Variants in SUPT6H observed in about 807,000 individuals in gnomAD.
SUPT6H encodes the protein SPT6 homolog, histone chaperone and transcription elongation factor, also known as transcription elongation factor SPT6.
Under a neutral mutation model 222.3 loss-of-function variants are expected in SUPT6H, and 11 were observed. That is an observed-to-expected ratio of 0.05 (90% confidence interval 0.03 to 0.08). The LOEUF is 0.08. Among genes scored for constraint, SUPT6H ranks in the 10% least tolerant of loss-of-function variants. The pLI, the probability that SUPT6H is intolerant of heterozygous loss-of-function variation, is 1.00. For missense variants in SUPT6H, 1,422 were observed against 2,216.0 expected (o/e 0.64, Z 7.19); for synonymous variants, 762 against 801.2 (o/e 0.95, Z 0.83).
chr17:28,663,827 C>CTTTTTTTTTTTTTTTT (rs1567681347), intron 1 of SUPT6H, among the ~76,000 whole-genome samples: 20 of 8,410 alleles, frequency 2.4e-3, no homozygotes, highest in African/African-American at 4.0e-3. Context: ...CTGCCCACTC[C>CTTTTTTTTTTTTTTTT]ATTTTTTTTT....
rs751262934 is a variant in SUPT6H, at chr17:28,678,062, T to C, written c.1000-14T>C. Reference sequence around the variant, plus strand: ...TAAACATTGTCTTGCTATTTCTTTATTTTCCTACTGTAGGAAAGCTGTGAT... The same window carrying C: ...TAAACATTGTCTTGCTATTTCTTTACTTTCCTACTGTAGGAAAGCTGTGAT... On this transcript the variant is annotated splice_polypyrimidine_tract_variant and intron_variant, in intron 8 of 36. Coordinates refer to ENST00000314616, the MANE Select transcript of SUPT6H (RefSeq NM_003170.5). The C allele has an allele frequency of 1.9e-6, 3 of 1,608,344 alleles. No homozygotes were observed. Among genetic ancestry groups the C allele is most frequent in the Non-Finnish European group, 2.6e-6 (3 of 1,175,596 alleles).
intron 35 of SUPT6H, 98 bp from the exon 36 acceptor site, chr17:28,700,843 A>T: frequency 7.1e-7 from 1 of 1,404,438 alleles, no homozygotes; most frequent in Non-Finnish European, 9.8e-7. Flanking sequence ...GATCATCTGG[A>T]AAGCTTTGCT....
At position 28,696,749 on chromosome 17, in the gene SUPT6H, CAATAAAT is replaced by C; in HGVS notation, c.3971-92_3971-86del. The C allele has an allele frequency of 2.5e-6, 3 of 1,178,622 alleles. No homozygotes were observed. The Admixed American group carries it at 5.3e-5, about 21-fold the overall frequency. 73.0% of individuals were successfully genotyped at this position (1,178,622 alleles called of 1,614,324 possible). A position where few individuals can be genotyped will look rare whatever the true frequency, so the allele number is the denominator to read the frequency against. ...GCCCAGATGACAGAGCACCCCAACT[CAATAAAT>C]AAATAAGAAATGAAGGCCTGGTTTG... On this transcript the variant is annotated intron_variant, in intron 29 of 36. Coordinates refer to ENST00000314616, the MANE Select transcript of SUPT6H (RefSeq NM_003170.5).
intron 14 of SUPT6H, 22 bp downstream of exon 14, chr17:28,682,878 G>A (rs201870351): frequency 7.4e-6 from 12 of 1,613,962 alleles, no homozygotes; most frequent in African/African-American, 1.3e-5. Flanking sequence ...GCAGGTGGCT[G>A]ACAGGAGGAG....
intron 9 of SUPT6H, 146 bp downstream of exon 9, chr17:28,678,338 T>G: frequency 1.2e-6 from 1 of 864,494 alleles, no homozygotes; most frequent in East Asian, 2.5e-5. Context: ...GAGACCCTAG[T>G]GATCGTAAGA....
chr17:28,678,295 C>T (rs2030880427), intron 9 of SUPT6H, 103 bp downstream of exon 9: 3 of 1,036,068 alleles, frequency 2.9e-6, no homozygotes, highest in Non-Finnish European at 4.4e-6. Flanking sequence ...CCCGTATCCC[C>T]TATCCATGAC....
rs1333179748 is a variant in SUPT6H, at chr17:28,681,504, C to T, written c.1498+100C>T. 7 of 1,426,720 alleles carry T rather than the reference C, an allele frequency of 4.9e-6. No individual in the cohort carries two copies. In the East Asian group the frequency reaches 1.5e-4, roughly 30 times the overall value. 88.4% of individuals were successfully genotyped at this position (1,426,720 alleles called of 1,614,324 possible). On this transcript the variant is annotated intron_variant, in intron 12 of 36. Coordinates refer to ENST00000314616, the MANE Select transcript of SUPT6H (RefSeq NM_003170.5). The stretch of plus-strand genomic sequence containing the variant: ...TCAGATGCTAAGGTGGGTGGATCAC[C>T]TGAGGTCAGGAGTTCGAGACCAGCC...
Position 28,673,426 on chromosome 17 carries a change from G to T in SUPT6H, c.25G>T (p.Ala9Ser). The T allele has an allele frequency of 6.2e-7, 1 of 1,614,134 alleles. No individual in the cohort carries two copies. The highest frequency in any genetic ancestry group is 8.5e-7 in the Non-Finnish European group (1 of 1,179,988). Residue 9 changes from alanine (A) to serine (S), a missense_variant, in exon 2 of 37, where the codon GCT becomes TCT. Ala to Ser is a moderately conservative substitution (Grantham distance 99). Coordinates refer to ENST00000314616, the MANE Select transcript of SUPT6H (RefSeq NM_003170.5). ...AATGTCTGATTTTGTGGAAAGCGAGGCTGAGGAGTCAGAGGAAGAATACAA... is the reference window on the plus strand; with the variant it reads ...AATGTCTGATTTTGTGGAAAGCGAGTCTGAGGAGTCAGAGGAAGAATACAA... MSDFVESE[A>S]EESEEEYNDE...
chr17:28,693,603 T>C, intron 27 of SUPT6H, 93 bp from the exon 28 acceptor site: 1 of 1,477,070 alleles, frequency 6.8e-7, no homozygotes, highest in South Asian at 1.2e-5. Context: ...GTGTCAATGG[T>C]AAAAGAAATT....
Position 28,696,561 on chromosome 17 carries a change from G to A in SUPT6H, c.3971-283G>A, listed in dbSNP as rs372103341. Among the ~76,000 whole-genome samples the A allele has an allele frequency of 2.3e-4, 35 of 149,360 alleles. 1 individual carries two copies. The highest frequency in any genetic ancestry group is 6.9e-4 in the African/African-American group (28 of 40,438). Reference sequence around the variant, plus strand: ...CAGAATTGCGCCACTGCACTACAACGTGGGTGACAAAATGAGACTGTCTCA... The same window carrying A: ...CAGAATTGCGCCACTGCACTACAACATGGGTGACAAAATGAGACTGTCTCA... On this transcript the variant is annotated intron_variant, in intron 29 of 36. Transcript: ENST00000314616.
intron 11 of SUPT6H, among the ~76,000 whole-genome samples, chr17:28,680,907 A>G (rs1006739242): frequency 5.9e-5 from 9 of 152,212 alleles, no homozygotes; most frequent in Admixed American, 5.9e-4. Flanking sequence ...TTGGCCTTCC[A>G]AAGTGCTGGG....
intron 1 of SUPT6H, among the ~76,000 whole-genome samples, chr17:28,664,809 G>A (rs374958838): frequency 2.0e-5 from 3 of 152,252 alleles, no homozygotes; most frequent in South Asian, 2.1e-4. Context: ...GCTCCTATCC[G>A]CAGGGTTACC....
chr17:28,692,208 C>T (rs2031692000), intron 27 of SUPT6H, among the ~76,000 whole-genome samples: 1 of 151,324 alleles, frequency 6.6e-6, no homozygotes, highest in African/African-American at 2.4e-5. Flanking sequence ...CCTGTAGTCC[C>T]AGCTACTCGG....
Position 28,683,748 on chromosome 17 carries a change from C to G in SUPT6H, c.2161C>G (p.Leu721Val). The G allele has an allele frequency of 6.2e-7, 1 of 1,614,134 alleles. No individual in the cohort carries two copies. The highest frequency in any genetic ancestry group is 8.5e-7 in the Non-Finnish European group (1 of 1,180,038). The change falls in exon 17 of 37, where the codon CTC becomes GTC. Residue 721 changes from leucine to valine, a missense_variant. Physicochemically the swap from Leu to Val is conservative, Grantham distance 32. Transcript: ENST00000314616. The part of the protein sequence containing the change: ...MAIERALQQF[L>V]YVQMAKELKN... The stretch of plus-strand genomic sequence containing the variant: ...CATCGAACGGGCTTTACAGCAGTTC[C>G]TCTATGTGCAGATGGCCAAAGAACT...
In SUPT6H at chr17:28,683,041, C is replaced by T. The variant is rs746210382; in HGVS notation, c.1827C>T (p.Thr609=). ...EPLVRQVLRQ[T]FQERAKLNIT... ...TTGTCCGGCAGGTGCTGAGGCAAACCTTCCAAGAGAGAGCCAAGTTAAATA... is the reference window on the plus strand; with the variant it reads ...TTGTCCGGCAGGTGCTGAGGCAAACTTTCCAAGAGAGAGCCAAGTTAAATA... The change falls in exon 15 of 37, where the codon ACC becomes ACT. Residue 609 remains threonine (T), a synonymous_variant. Coordinates refer to ENST00000314616, the MANE Select transcript of SUPT6H (RefSeq NM_003170.5). 12 of 1,613,318 alleles carry T rather than the reference C, an allele frequency of 7.4e-6. No homozygotes were observed. Among genetic ancestry groups the T allele is most frequent in the Non-Finnish European group, 9.3e-6 (11 of 1,179,848 alleles).
In SUPT6H at chr17:28,684,661, G is replaced by A; in HGVS notation, c.2305G>A (p.Asp769Asn). 1.2e-6 allele frequency: 2 copies of A among 1,614,168 alleles called. No individual in the cohort carries two copies. Among genetic ancestry groups the A allele is most frequent in the Non-Finnish European group, 8.5e-7 (1 of 1,180,046 alleles). ...AGATCAGCAGGTGGAAGAAGATGAC[G>A]ACTTTATGGACGAGAACCAAGGGAA... is the stretch of plus-strand genomic sequence containing the variant. ...RPDQQVEEDDDFMDENQGKGI... is the reference protein window; with the variant it reads ...RPDQQVEEDDNFMDENQGKGI... Residue 769 changes from aspartate to asparagine, a missense_variant, in exon 18 of 37, where the codon GAC becomes AAC. Asp to Asn is a conservative substitution (Grantham distance 23). This residue lies in a region of SUPT6H where 294 missense variants were observed against 382.1 expected (regional missense o/e 0.77). Transcript: ENST00000314616.
chr17:28,687,323 A>T lies in SUPT6H; in HGVS notation c.2858A>T (p.Glu953Val), dbSNP rs1419743854. ...HPLQEHVVKEELLNALYCEFI... is the reference protein window; with the variant it reads ...HPLQEHVVKEVLLNALYCEFI... ...CCACAGGAGCATGTGGTGAAAGAGG[A>T]GCTGCTCAACGCCTTGTACTGTGAA... Residue 953 changes from glutamate (E) to valine (V), a missense_variant, in exon 23 of 37, where the codon GAG (glutamate) becomes GTG (valine). This residue lies in a region of SUPT6H where 294 missense variants were observed against 382.1 expected (regional missense o/e 0.77). Transcript: ENST00000314616. 2 of 1,614,132 alleles carry T rather than the reference A, an allele frequency of 1.2e-6. No homozygotes were observed. The highest frequency in any genetic ancestry group is 1.7e-6 in the Non-Finnish European group (2 of 1,180,028).
chr17:28,698,319 G>A (rs1010381244), intron 32 of SUPT6H, among the ~76,000 whole-genome samples: 12 of 152,206 alleles, frequency 7.9e-5, no homozygotes, highest in Non-Finnish European at 1.3e-4. Context: ...CTCTTCACCT[G>A]ATTGCAGAAA....
chr17:28,684,006 TTTATATTTTTAGTATAAAATATG>T (rs1315811543), intron 17 of SUPT6H, among the ~76,000 whole-genome samples, 190 bp downstream of exon 17: 8 of 152,156 alleles, frequency 5.3e-5, no homozygotes, highest in Admixed American at 2.0e-4. Flanking sequence ...CAGCTAATTT[TTTATATTTTTAGTATAAAATATG>T]TTATATTTTT....
Sources: allele counts gnomAD v4.1 joint callset (sites outside exome capture counted in the v4.1 genomes callset), GRCh38; gene constraint gnomAD v4.1.1; regional missense constraint gnomAD v4.1.1; transcripts MANE v1.5; gene names NCBI Gene and HGNC (gene_info 2026-07-23, HGNC 2026-07-21).